Variants in HEATR5B observed in about 807,000 individuals in gnomAD.
HEATR5B encodes the protein HEAT repeat containing 5B.
In HEATR5B, 156 loss-of-function variants were observed where a neutral mutation model predicts 224.1. The observed-to-expected ratio is 0.70, with a 90% CI of 0.61 to 0.80. The LOEUF (loss-of-function observed/expected upper bound fraction) is 0.80, where lower values mean the gene tolerates loss of function less well. Ranked by LOEUF, HEATR5B falls within the 30% of genes least tolerant of loss-of-function variation. The pLI is 0.00. For missense variants in HEATR5B, 2,323 were observed against 2,535.5 expected, an observed-to-expected ratio of 0.92 and a Z score of 1.80; for synonymous variants, 1,027 against 893.0, an observed-to-expected ratio of 1.15 and a Z score of -2.68.
intron 7 of HEATR5B, 77 bp from the exon 8 acceptor site, chr2:37,069,007 A>G (rs2148582543): frequency 7.3e-7 from 1 of 1,374,144 alleles, no homozygotes; most frequent in South Asian, 1.4e-5. Flanking sequence ...AACTACTAAA[A>G]TAACTGATAA....
chr2:37,018,226 A>T (rs935282708), intron 26 of HEATR5B, among the ~76,000 whole-genome samples: 1 of 152,206 alleles, frequency 6.6e-6, no homozygotes, highest in South Asian at 2.1e-4. Flanking sequence ...CCACAAAAGA[A>T]ATAAGTTTAA....
chr2:36,983,920 C>T (rs1030336214), intron 35 of HEATR5B, among the ~76,000 whole-genome samples: 1 of 151,176 alleles, frequency 6.6e-6, no homozygotes, highest in African/African-American at 2.4e-5. Context: ...AACTGGAGGC[C>T]GGACGCAGTG....
At chr2:37,020,626 T>C (rs1668404000) in intron 25 of HEATR5B, 29 bp downstream of exon 25, 1 of 1,475,342 alleles carries the variant, frequency 6.8e-7, no homozygotes. Context: ...AGATCAATTT[T>C]AAGTTCTTAA....
chr2:36,996,064 C>CTTT lies in HEATR5B; in HGVS notation c.5545+4519_5545+4521dup, dbSNP rs371199948. The stretch of plus-strand genomic sequence containing the variant: ...CTGCGCTCAACTAAATAATGCAATT[C>CTTT]TTTTTTTTTTTTTTTGAGAGGGAGT... On this transcript the variant is annotated intron_variant, in intron 33 of 35. Coordinates refer to ENST00000233099, the MANE Select transcript of HEATR5B (RefSeq NM_019024.3). Among the ~76,000 whole-genome samples, 58 of 137,428 alleles carry CTTT rather than the reference C, an allele frequency of 4.2e-4. 1 individual carries two copies. The highest frequency in any genetic ancestry group is 2.6e-3 in the South Asian group (11 of 4,292). The allele number at this position is 137,428 out of a possible 152,430, so 90.2% of individuals were successfully genotyped here. A position where few individuals can be genotyped will look rare whatever the true frequency, so the allele number is the denominator to read the frequency against.
chr2:37,063,098 G>A (rs1406666125), intron 10 of HEATR5B, among the ~76,000 whole-genome samples: 2 of 152,154 alleles, frequency 1.3e-5, no homozygotes, highest in African/African-American at 2.4e-5. Flanking sequence ...CCACGCCCAG[G>A]CAAGGTTAGC....
chr2:37,021,589 G>A (rs1668461390), intron 24 of HEATR5B, among the ~76,000 whole-genome samples: 1 of 152,006 alleles, frequency 6.6e-6, no homozygotes, highest in Admixed American at 6.6e-5. Flanking sequence ...CATGTAAAAT[G>A]TAGATTCACT....
rs1458631539 is a variant in HEATR5B, at chr2:36,981,152, T to G, written c.*338A>C. The G allele has an allele frequency of 5.4e-6, 1 of 183,828 alleles. No individual in the cohort carries two copies. The highest frequency in any genetic ancestry group is 1.1e-5 in the Non-Finnish European group (1 of 89,778). 11.4% of individuals were successfully genotyped at this position (183,828 alleles called of 1,614,324 possible). A position where few individuals can be genotyped will look rare whatever the true frequency, so the allele number is the denominator to read the frequency against. On this transcript the variant is annotated 3_prime_UTR_variant, in exon 36 of 36. Transcript: ENST00000233099. ...ACAGATGCTGAGTTCTGACCCATTTTTTTCCCCTGACAGTATCAATAGGCT... is the reference window on the plus strand; with the variant it reads ...ACAGATGCTGAGTTCTGACCCATTTGTTTCCCCTGACAGTATCAATAGGCT...
chr2:36,986,532 AAG>A (rs1665955888), intron 35 of HEATR5B, among the ~76,000 whole-genome samples: 2 of 152,208 alleles, frequency 1.3e-5, no homozygotes, highest in South Asian at 4.1e-4. Context: ...AAATGTTTTT[AAG>A]AGAAGAGGAA....
rs1572968522 is a variant in HEATR5B, at chr2:37,084,258, G to C, written c.-23+11C>G. The C allele has an allele frequency of 1.3e-5, 5 of 387,838 alleles. No homozygotes were observed. Among genetic ancestry groups the C allele is most frequent in the Non-Finnish European group, 2.3e-5 (5 of 219,476 alleles). The allele number at this position is 387,838 out of a possible 1,614,324, so 24.0% of individuals were successfully genotyped here. ...CCGTGCGTGTCAACATGCATGCTTC[G>C]GCGACCTCACCTCGTAGTCTGGAAG... On this transcript the variant is annotated intron_variant, in intron 1 of 35. Coordinates refer to ENST00000233099, the MANE Select transcript of HEATR5B (RefSeq NM_019024.3).
Position 37,079,119 on chromosome 2 carries a change from C to A in HEATR5B, c.338+1G>T, listed in dbSNP as rs1459688965. ...GGGCCCCTATTAAAGTAAGTACTTA[C>A]AATTTTGTTGGTAAGTAGGCCGCAG... On this transcript the variant is annotated splice_donor_variant, in intron 3 of 35. Transcript: ENST00000233099. LOFTEE classifies it high-confidence loss of function. 2.6e-6 allele frequency: 4 copies of A among 1,568,056 alleles called. No homozygotes were observed. The highest frequency in any genetic ancestry group is 3.5e-6 in the Non-Finnish European group (4 of 1,144,940).
intron 26 of HEATR5B, among the ~76,000 whole-genome samples, chr2:37,016,106 T>C (rs1668097472): frequency 6.8e-6 from 1 of 146,686 alleles, no homozygotes; most frequent in East Asian, 1.9e-4. Flanking sequence ...TTACATGTCC[T>C]TACTTTCTTT....
At chr2:37,008,333 G>A in intron 28 of HEATR5B, 1 of 472,206 alleles carries the variant, frequency 2.1e-6, no homozygotes, top group Admixed American at 3.5e-5. Context: ...TATGCATAAT[G>A]ACTTGTTACC....
At chr2:37,006,374 C>A (rs1455893054) in intron 29 of HEATR5B, among the ~76,000 whole-genome samples, 1 of 152,172 alleles carries the variant, frequency 6.6e-6, no homozygotes, top group African/African-American at 2.4e-5. Context: ...TAGCTGGGTG[C>A]AGTGGCTCAT....
intron 8 of HEATR5B, among the ~76,000 whole-genome samples, chr2:37,067,586 T>C (rs1397562095): frequency 6.6e-6 from 1 of 152,118 alleles, no homozygotes; most frequent in African/African-American, 2.4e-5. Context: ...CTGGCCAATG[T>C]GGTGAAACCC....
chr2:37,059,434 GTGTGTGTGTGTGTATA>G (rs1294118442), intron 12 of HEATR5B, among the ~76,000 whole-genome samples: 3 of 84,824 alleles, frequency 3.5e-5, no homozygotes, highest in Non-Finnish European at 6.9e-5. Context: ...GTGTGTGTGT[GTGTGTGTGTGTGTATA>G]TATATATATA....
rs571394698 is a variant in HEATR5B, at chr2:37,014,756, A to C, written c.4105-736T>G. Among the ~76,000 whole-genome samples, 400 of 151,546 alleles carry C rather than the reference A, an allele frequency of 2.6e-3. 2 individuals carry two copies. Among genetic ancestry groups the C allele is most frequent in the African/African-American group, 9.2e-3 (379 of 41,322 alleles). ...CACTTTGGGAGGCCAAGGCAGGCGG[A>C]TCACGAGGTCAGGAGATTGAGACCA... On this transcript the variant is annotated intron_variant, in intron 26 of 35. Transcript: ENST00000233099.
At chr2:37,037,303 G>A (rs894144793) in intron 21 of HEATR5B, among the ~76,000 whole-genome samples, 5 of 151,088 alleles carry the variant, frequency 3.3e-5, no homozygotes, top group Admixed American at 6.6e-5. Flanking sequence ...ACGCCACCAC[G>A]CCCGGCTAAT....
At chr2:37,003,399 G>A (rs371679715) in intron 31 of HEATR5B, 143 bp downstream of exon 31, 11 of 548,934 alleles carry the variant, frequency 2.0e-5, no homozygotes, top group African/African-American at 1.3e-4. Context: ...TCACATCATT[G>A]CGCTCCAGCT....
At chr2:37,044,331 A>T (rs1670055445) in intron 18 of HEATR5B, among the ~76,000 whole-genome samples, 1 of 152,092 alleles carries the variant, frequency 6.6e-6, no homozygotes. Flanking sequence ...ATTATAGTTT[A>T]CCTTTTATAT....
Sources: allele counts gnomAD v4.1 joint callset (sites outside exome capture counted in the v4.1 genomes callset), GRCh38; gene constraint gnomAD v4.1.1; transcripts MANE v1.5; gene names NCBI Gene and HGNC (gene_info 2026-07-23, HGNC 2026-07-21).